The following PRSS23 variants were observed in gnomAD, a reference collection of about 807,000 sequenced individuals.
PRSS23 encodes the protein protease, serine 23.
PRSS23 carries 25 observed loss-of-function variants against 34.7 expected under a neutral mutation model. The ratio of observed to expected loss-of-function variants is 0.72; its 90% CI spans 0.53 to 1.01. The LOEUF (loss-of-function observed/expected upper bound fraction) is 1.01. PRSS23 is among the 50% of genes least tolerant of loss of function. PRSS23 has a pLI of 0.00. For missense variants in PRSS23, 445 were observed against 475.6 expected, an observed-to-expected ratio of 0.94 and a Z score of 0.60; for synonymous variants, 176 against 186.6, an observed-to-expected ratio of 0.94 and a Z score of 0.46.
At chr11:86,848,231 A>G (rs971259903) in intron 2 of PRSS23, among the ~76,000 whole-genome samples, 1 of 152,236 alleles carries the variant, frequency 6.6e-6, no homozygotes. Context: ...ATGGAGAGAT[A>G]TCATGTTACT....
At position 86,831,506 on chromosome 11, in the gene PRSS23, A is replaced by C. The variant is rs557896954; in HGVS notation, c.206+7913A>C. Among the ~76,000 whole-genome samples, 3 of 152,096 alleles carry C rather than the reference A, an allele frequency of 2.0e-5. No homozygotes were observed. The South Asian group carries it at 6.2e-4, about 32-fold the overall frequency. The stretch of plus-strand genomic sequence containing the variant: ...ACTTTTAATGTTACACGTGGTATAC[A>C]CACCGTGATATTATTCGTAATAGCC... On this transcript the variant is annotated intron_variant, in intron 2 of 2. Transcript: ENST00000533902.
At chr11:86,947,863 G>A (rs1949256735) in intron 2 of PRSS23, 1 of 152,212 alleles carries the variant, frequency 6.6e-6, no homozygotes, top group Non-Finnish European at 1.5e-5. Flanking sequence ...GGAGGCCAAG[G>A]GATTTCTGAG....
intron 2 of PRSS23, among the ~76,000 whole-genome samples, chr11:86,907,748 C>G (rs1341065391): frequency 6.6e-6 from 1 of 152,230 alleles, no homozygotes; most frequent in Non-Finnish European, 1.5e-5. Context: ...GTGTGAGCCA[C>G]CACGCTGGCC....
chr11:86,889,823 C>T (rs578158517), intron 2 of PRSS23, among the ~76,000 whole-genome samples: 1 of 152,328 alleles, frequency 6.6e-6, no homozygotes, highest in East Asian at 1.9e-4. Context: ...TAACAGAAAT[C>T]TCCCTTCCCT....
chr11:86,823,950 G>A (rs1302442499), intron 2 of PRSS23, among the ~76,000 whole-genome samples: 2 of 133,316 alleles, frequency 1.5e-5, no homozygotes, highest in East Asian at 2.9e-4. Flanking sequence ...AGCTTGCAGT[G>A]AGCCGAGATC....
chr11:86,942,572 G>A (rs1949213758), intron 2 of PRSS23, among the ~76,000 whole-genome samples: 1 of 152,194 alleles, frequency 6.6e-6, no homozygotes, highest in Non-Finnish European at 1.5e-5. Context: ...TAGGAAACCA[G>A]GTGGAAAGCT....
At position 86,807,751 on chromosome 11, in the gene PRSS23, C is replaced by T; in HGVS notation, c.108C>T (p.Arg36=). The stretch of plus-strand genomic sequence containing the variant: ...GGAAACCCACTTGGCCTGCATACCG[C>T]CTCCCTGTCGTCTTGCCCCAGTCTA... ...APWKPTWPAY[R]LPVVLPQSTL... is the part of the protein sequence containing the mutation. The change falls in exon 2 of 2, where the codon CGC becomes CGT. Residue 36 remains arginine (R), a synonymous_variant. Coordinates refer to ENST00000280258, the MANE Select transcript of PRSS23 (RefSeq NM_007173.6). 1 of 1,614,156 alleles carries T rather than the reference C, an allele frequency of 6.2e-7. No homozygotes were observed.
At chr11:86,926,753 C>G (rs1428181991) in intron 2 of PRSS23, among the ~76,000 whole-genome samples, 1 of 152,216 alleles carries the variant, frequency 6.6e-6, no homozygotes, top group African/African-American at 2.4e-5. Flanking sequence ...ACCAAGCACT[C>G]ATAGTTCAAC....
At position 86,808,577 on chromosome 11, in the gene PRSS23, C is replaced by G; in HGVS notation, c.934C>G (p.Gln312Glu). ...YDLLYQQCDA[Q>E]PGASGSGVYV... ...CTTGCTCTACCAGCAATGCGATGCC[C>G]AGCCAGGGGCCAGCGGGTCTGGGGT... Residue 312 changes from glutamine to glutamate, a missense_variant, in exon 2 of 2, where the codon CAG becomes GAG. Coordinates refer to ENST00000280258, the MANE Select transcript of PRSS23 (RefSeq NM_007173.6). The G allele has an allele frequency of 6.2e-7, 1 of 1,614,174 alleles. No homozygotes were observed. Among genetic ancestry groups the G allele is most frequent in the Non-Finnish European group, 8.5e-7 (1 of 1,180,036 alleles).
intron 2 of PRSS23, among the ~76,000 whole-genome samples, chr11:86,864,785 C>T (rs1292595939): frequency 6.6e-6 from 1 of 152,186 alleles, no homozygotes; most frequent in Non-Finnish European, 1.5e-5. Flanking sequence ...GCACCTTTTC[C>T]AGCTTCTAGA....
intron 1 of PRSS23, among the ~76,000 whole-genome samples, chr11:86,803,763 GA>G (rs1948067502): frequency 6.6e-6 from 1 of 152,022 alleles, no homozygotes; most frequent in South Asian, 2.1e-4. Flanking sequence ...GTACAATAGA[GA>G]ATATATGACC....
At chr11:86,942,292 T>A (rs758004831) in intron 2 of PRSS23, among the ~76,000 whole-genome samples, 1 of 152,136 alleles carries the variant, frequency 6.6e-6, no homozygotes, top group Non-Finnish European at 1.5e-5. Flanking sequence ...GAAAGGACAT[T>A]CCAGGCAAAA....
At chr11:86,830,101 C>CACCT (rs1228472986) in intron 2 of PRSS23, among the ~76,000 whole-genome samples, 1 of 152,202 alleles carries the variant, frequency 6.6e-6, no homozygotes, top group East Asian at 1.9e-4. Context: ...GAGGTGGAGC[C>CACCT]TACAGAGGCA....
chr11:86,842,079 C>G (rs1268241357), intron 2 of PRSS23, among the ~76,000 whole-genome samples: 1 of 152,174 alleles, frequency 6.6e-6, no homozygotes, highest in African/African-American at 2.4e-5. Flanking sequence ...AAAAGCTTAT[C>G]CACCACTATC....
At chr11:86,807,244 C>G (rs181147779) in intron 1 of PRSS23, among the ~76,000 whole-genome samples, 164 of 152,114 alleles carry the variant, frequency 1.1e-3, no homozygotes, top group Admixed American at 1.6e-3. Context: ...GCGGGGACAT[C>G]ATGAAGGTAG....
chr11:86,837,974 C>T (rs991680907), intron 2 of PRSS23, among the ~76,000 whole-genome samples: 1 of 151,962 alleles, frequency 6.6e-6, no homozygotes, highest in East Asian at 1.9e-4. Context: ...TGAAGTAGGG[C>T]AGGGTGTCAC....
intron 2 of PRSS23, among the ~76,000 whole-genome samples, chr11:86,851,425 A>G (rs1375211459): frequency 1.3e-5 from 2 of 152,164 alleles, no homozygotes; most frequent in African/African-American, 4.8e-5. Flanking sequence ...CGTGGCATCC[A>G]CTGGTCTAGC....
At chr11:86,866,332 G>T (rs951832115) in intron 2 of PRSS23, among the ~76,000 whole-genome samples, 3 of 152,140 alleles carry the variant, frequency 2.0e-5, no homozygotes, top group Non-Finnish European at 2.9e-5. Context: ...GTACAGGGGT[G>T]GGGAGCTGCA....
intron 2 of PRSS23, among the ~76,000 whole-genome samples, chr11:86,926,169 C>A (rs1378757067): frequency 6.6e-6 from 1 of 152,124 alleles, no homozygotes; most frequent in Admixed American, 6.6e-5. Flanking sequence ...TCGAAACCAG[C>A]CTGACCAATA....
Sources: gnomAD v4.1 joint callset for allele counts (sites outside exome capture counted in the v4.1 genomes callset) on GRCh38, gnomAD v4.1.1 for gene constraint, MANE v1.5 for transcripts, NCBI Gene and HGNC (gene_info 2026-07-23, HGNC 2026-07-21) for gene names.